The following DGKB variants were observed in gnomAD, a reference collection of about 807,000 sequenced individuals.
DGKB encodes the protein 90 kDa diacylglycerol kinase.
A neutral mutation model predicts 114.3 loss-of-function variants in DGKB; 67 were observed. That is an observed-to-expected ratio of 0.59 (90% CI 0.48 to 0.72). The LOEUF is 0.72. Ranked by LOEUF, DGKB falls within the 30% of genes least tolerant of loss-of-function variation. DGKB has a pLI of 0.00. For synonymous variants in DGKB, 398 were observed against 323.1 expected, an observed-to-expected ratio of 1.23 and a Z score of -2.49; for missense variants, 907 against 975.2, an observed-to-expected ratio of 0.93 and a Z score of 0.93.
chr7:14,329,799 A>T (rs187488243), intron 23 of DGKB, among the ~76,000 whole-genome samples: 1 of 152,072 alleles, frequency 6.6e-6, no homozygotes, highest in East Asian at 1.9e-4. Context: ...ATTAGAAGGT[A>T]TACTCTACAT....
At chr7:14,861,960 A>G (rs1480113347) in intron 1 of DGKB, among the ~76,000 whole-genome samples, 1 of 152,040 alleles carries the variant, frequency 6.6e-6, no homozygotes, top group Non-Finnish European at 1.5e-5. Flanking sequence ...CGTTTTCCAA[A>G]GAGTGTTTCT....
intron 21 of DGKB, among the ~76,000 whole-genome samples, chr7:14,347,326 T>G (rs1019932043): frequency 6.6e-6 from 1 of 151,988 alleles, no homozygotes; most frequent in Non-Finnish European, 1.5e-5. Context: ...AAGGGAACAT[T>G]TGTATACTGT....
chr7:14,945,423 G>T (rs1028397190), intron 1 of DGKB, among the ~76,000 whole-genome samples: 7 of 151,642 alleles, frequency 4.6e-5, no homozygotes, highest in African/African-American at 1.7e-4. Context: ...TTGTAAAAAT[G>T]TATTGCTCTG....
At chr7:14,904,913 C>T (rs1341145334), upstream of DGKB, among the ~76,000 whole-genome samples, 1 of 152,092 alleles carries the variant, frequency 6.6e-6, no homozygotes, top group Non-Finnish European at 1.5e-5. Flanking sequence ...TACAAAAGGC[C>T]AACTTTATCC....
chr7:14,603,392 T>A (rs971539723), intron 17 of DGKB, among the ~76,000 whole-genome samples: 3 of 152,110 alleles, frequency 2.0e-5, no homozygotes, highest in Admixed American at 6.6e-5. Context: ...CTTTTGAGGA[T>A]TCTGTTCATT....
At chr7:14,948,898 A>G (rs1468910810) in intron 1 of DGKB, among the ~76,000 whole-genome samples, 1 of 151,820 alleles carries the variant, frequency 6.6e-6, no homozygotes, top group Non-Finnish European at 1.5e-5. Flanking sequence ...ATAAAGAAAT[A>G]GAAATATGCC....
At chr7:14,841,093 T>C in intron 2 of DGKB, 101 bp downstream of exon 2, 5 of 1,042,586 alleles carry the variant, frequency 4.8e-6, no homozygotes, top group Non-Finnish European at 5.6e-6. Flanking sequence ...GCTGGATCTA[T>C]CCCCATGAAG....
At chr7:14,298,808 A>T (rs575055783) in intron 23 of DGKB, among the ~76,000 whole-genome samples, 1 of 152,340 alleles carries the variant, frequency 6.6e-6, no homozygotes, top group African/African-American at 2.4e-5. Context: ...CAAAGGGCTA[A>T]TATCCAGCAT....
At chr7:14,488,540 C>T (rs140294523) in intron 20 of DGKB, among the ~76,000 whole-genome samples, 167 of 151,768 alleles carry the variant, frequency 1.1e-3, no homozygotes, top group African/African-American at 3.9e-3. Context: ...TAGATTTAGG[C>T]CAGGTGCAGT....
chr7:14,257,637 T>C (rs1197590240), intron 23 of DGKB, among the ~76,000 whole-genome samples: 2 of 152,188 alleles, frequency 1.3e-5, no homozygotes, highest in East Asian at 3.9e-4. Context: ...TTCTCTTTCC[T>C]GCACCCCTGT....
At chr7:14,421,252 G>A (rs1320578614) in intron 21 of DGKB, among the ~76,000 whole-genome samples, 2 of 151,988 alleles carry the variant, frequency 1.3e-5, no homozygotes, top group African/African-American at 4.8e-5. Context: ...TGCCTTTTGT[G>A]TCAATAAATC....
chr7:14,726,889 G>A (rs372799584), intron 5 of DGKB, among the ~76,000 whole-genome samples: 9 of 152,154 alleles, frequency 5.9e-5, no homozygotes, highest in African/African-American at 1.7e-4. Flanking sequence ...GATAAAGCAT[G>A]GAACAAAGCA....
chr7:14,789,787 T>C (rs1244198085), intron 2 of DGKB, among the ~76,000 whole-genome samples: 1 of 152,166 alleles, frequency 6.6e-6, no homozygotes, highest in African/African-American at 2.4e-5. Context: ...TTTTCATTCC[T>C]CCCAGAGTGC....
At chr7:14,704,981 C>T (rs909299890) in intron 6 of DGKB, among the ~76,000 whole-genome samples, 9 of 151,974 alleles carry the variant, frequency 5.9e-5, no homozygotes, top group African/African-American at 1.7e-4. Flanking sequence ...ATGACTTTGA[C>T]GAGCTGAGAG....
At chr7:14,263,280 C>T (rs1387484993) in intron 23 of DGKB, among the ~76,000 whole-genome samples, 1 of 152,104 alleles carries the variant, frequency 6.6e-6, no homozygotes, top group Non-Finnish European at 1.5e-5. Flanking sequence ...TATTGTCTTA[C>T]AGTTTCCTTT....
chr7:14,951,781 T>C (rs1013703120), intron 1 of DGKB, among the ~76,000 whole-genome samples: 2 of 151,960 alleles, frequency 1.3e-5, no homozygotes, highest in Admixed American at 6.6e-5. Context: ...TATAGAACTC[T>C]ATTTTCTACT....
At chr7:14,584,695 G>T (rs754250821) in intron 17 of DGKB, among the ~76,000 whole-genome samples, 52 of 148,924 alleles carry the variant, frequency 3.5e-4, no homozygotes, top group Admixed American at 4.0e-4. Context: ...TTTCACTTTT[G>T]TCGCCCAATA....
At chr7:14,214,234 G>A (rs1273515689) in intron 23 of DGKB, among the ~76,000 whole-genome samples, 2 of 152,036 alleles carry the variant, frequency 1.3e-5, no homozygotes, top group African/African-American at 4.8e-5. Flanking sequence ...CTACATGCTC[G>A]GGATAATCTT....
At chr7:14,600,355 T>C (rs1803323096) in intron 17 of DGKB, among the ~76,000 whole-genome samples, 1 of 152,174 alleles carries the variant, frequency 6.6e-6, no homozygotes, top group Admixed American at 6.5e-5. Flanking sequence ...GAGACACAAG[T>C]ATTCAAACCA....
Sources: gnomAD v4.1 joint callset for allele counts (sites outside exome capture counted in the v4.1 genomes callset) on GRCh38, gnomAD v4.1.1 for gene constraint, MANE v1.5 for transcripts, NCBI Gene and HGNC (gene_info 2026-07-23, HGNC 2026-07-21) for gene names.